Variants in PTPN9 observed in about 807,000 individuals in gnomAD.
PTPN9 encodes protein tyrosine phosphatase non-receptor type 9, also known as tyrosine-protein phosphatase non-receptor type 9.
Under a neutral mutation model 69.8 loss-of-function variants are expected in PTPN9, and 26 were observed. The observed-to-expected ratio is 0.37, with a 90% CI of 0.27 to 0.52. The LOEUF (loss-of-function observed/expected upper bound fraction) is 0.52, where lower values mean the gene tolerates loss of function less well. PTPN9 is among the 20% of genes least tolerant of loss of function. The probability of loss-of-function intolerance (pLI) is 0.91; values close to 1 mark genes in which losing one functional copy is unlikely to be tolerated. For synonymous variants in PTPN9, 274 were observed against 272.5 expected, an observed-to-expected ratio of 1.01 and a Z score of -0.05; for missense variants, 549 against 740.3, an observed-to-expected ratio of 0.74 and a Z score of 3.00.
At chr15:75,500,349 A>C (rs965689803) in intron 7 of PTPN9, among the ~76,000 whole-genome samples, 1 of 145,864 alleles carries the variant, frequency 6.9e-6, no homozygotes, top group Non-Finnish European at 1.5e-5. Context: ...ATACATACAC[A>C]CACACACACA....
Position 75,516,326 on chromosome 15 carries a change from C to T in PTPN9, c.528+933G>A, listed in dbSNP as rs185252304. Among the ~76,000 whole-genome samples, 371 of 135,804 alleles carry T rather than the reference C, an allele frequency of 2.7e-3. 2 individuals are homozygous for T. Among genetic ancestry groups the T allele is most frequent in the African/African-American group, 9.6e-3 (349 of 36,530 alleles). 89.1% of individuals were successfully genotyped at this position (135,804 alleles called of 152,430 possible). On this transcript the variant is annotated intron_variant, in intron 5 of 12. Coordinates refer to ENST00000618819, the MANE Select transcript of PTPN9 (RefSeq NM_002833.4). ...TTCTTTTTTTTTTTTTTTTTTGAGA[C>T]GAAGTCTCACTGTGTCGCCCAGGCT... is the stretch of plus-strand genomic sequence containing the variant.
intron 9 of PTPN9, among the ~76,000 whole-genome samples, chr15:75,475,405 C>A (rs563641142): frequency 3.9e-5 from 6 of 152,066 alleles, no homozygotes; most frequent in Admixed American, 6.6e-5. Context: ...ATGGTAAAAC[C>A]CCGTCTCTAC....
Position 75,563,456 on chromosome 15 carries a change from G to A in PTPN9, c.63+15258C>T, listed in dbSNP as rs561611272. Among the ~76,000 whole-genome samples the A allele has an allele frequency of 1.6e-4, 24 of 152,318 alleles. No individual in the cohort carries two copies. The South Asian group carries it at 3.5e-3, about 22-fold the overall frequency. ...ATCTGCCTCAGCCTCCCAAAGTGCT[G>A]GGATTACAGGCGTGAGCCCACACCC... On this transcript the variant is annotated intron_variant, in intron 1 of 12. Transcript: ENST00000618819.
At chr15:75,569,541 C>T (rs979870337) in intron 1 of PTPN9, among the ~76,000 whole-genome samples, 1 of 151,710 alleles carries the variant, frequency 6.6e-6, no homozygotes, top group Non-Finnish European at 1.5e-5. Context: ...CCCATCTCTA[C>T]AAAAAATACA....
rs374968097 is a variant in PTPN9 at position 75,556,104 on chromosome 15, G to A, written c.63+22610C>T. Among the ~76,000 whole-genome samples the A allele has an allele frequency of 2.9e-3, 404 of 138,420 alleles. 1 individual carries two copies. The highest frequency in any genetic ancestry group is 0.01 in the African/African-American group (373 of 37,190). 90.8% of individuals were successfully genotyped at this position (138,420 alleles called of 152,430 possible). On this transcript the variant is annotated intron_variant, in intron 1 of 12. Transcript: ENST00000618819. The stretch of plus-strand genomic sequence containing the variant: ...AGATCAACAATTTTTTTTTTCTGTC[G>A]CCCAGGCTGGAGTGCAGTGGCACAA...
At chr15:75,484,394 A>AGAC (rs2074661398) in intron 8 of PTPN9, among the ~76,000 whole-genome samples, 1 of 152,222 alleles carries the variant, frequency 6.6e-6, no homozygotes, top group Admixed American at 6.5e-5. Context: ...GACCATCAAC[A>AGAC]GACGAGCCAA....
rs1333473539 is a variant in PTPN9, at chr15:75,468,043, A to G, written c.*726T>C. ...TTCCACCACTCTGTAGCCTGACAAG[A>G]GGAGACATGATCACCAACCCAAGCT... On this transcript the variant is annotated 3_prime_UTR_variant, in exon 13 of 13. Coordinates refer to ENST00000618819, the MANE Select transcript of PTPN9 (RefSeq NM_002833.4). 1 of 152,618 alleles carries G rather than the reference A, an allele frequency of 6.6e-6. No individual in the cohort carries two copies. The highest frequency in any genetic ancestry group is 2.4e-5 in the African/African-American group (1 of 41,438). 9.5% of individuals were successfully genotyped at this position (152,618 alleles called of 1,614,324 possible).
At chr15:75,505,430 C>G (rs1260641301) in intron 7 of PTPN9, among the ~76,000 whole-genome samples, 1 of 142,324 alleles carries the variant, frequency 7.0e-6, no homozygotes, top group Non-Finnish European at 1.5e-5. Context: ...TCCCCCTCTG[C>G]GAGAAACACC....
At chr15:75,480,525 G>C (rs1042400803) in intron 8 of PTPN9, 4 of 318,084 alleles carry the variant, frequency 1.3e-5, no homozygotes, top group Non-Finnish European at 2.2e-5. Context: ...GGCGCCGCGG[G>C]CTGGGGTCGG....
Position 75,578,707 on chromosome 15 carries a change from CGCTTACCT to C in PTPN9, c.62_63+6del. The C allele has an allele frequency of 7.3e-7, 1 of 1,370,542 alleles. No homozygotes were observed. The highest frequency in any genetic ancestry group is 9.4e-7 in the Non-Finnish European group (1 of 1,058,766). The allele number at this position is 1,370,542 out of a possible 1,614,324, so 84.9% of individuals were successfully genotyped here. On this transcript the variant is annotated splice_donor_variant and splice_donor_5th_base_variant and coding_sequence_variant and intron_variant, in exon 1 of 13. Coordinates refer to ENST00000618819, the MANE Select transcript of PTPN9 (RefSeq NM_002833.4). LOFTEE classifies it high-confidence loss of function. ...ACACCCAACGCGGCGGCCTCGGGCC[CGCTTACCT>C]GCTCCTCCTCCGGGGTCAGCTCCGG...
rs575377505 is a variant in PTPN9 at position 75,480,686 on chromosome 15, G to A, written c.1063-772C>T. The stretch of plus-strand genomic sequence containing the variant: ...ATGAAGCGGAGCCGCTGCCGCGACC[G>A]ACCGCAGCCACCGCCGCCCCACAGC... On this transcript the variant is annotated intron_variant, in intron 8 of 12. Coordinates refer to ENST00000618819, the MANE Select transcript of PTPN9 (RefSeq NM_002833.4). 115 of 1,281,944 alleles carry A rather than the reference G, an allele frequency of 9.0e-5. 1 individual carries two copies. In the South Asian group the frequency reaches 1.4e-3, roughly 16 times the overall value. 79.4% of individuals were successfully genotyped at this position (1,281,944 alleles called of 1,614,324 possible).
intron 12 of PTPN9, 74 bp from the exon 13 acceptor site, chr15:75,469,057 G>C (rs1252331295): frequency 1.3e-5 from 18 of 1,334,922 alleles, no homozygotes; most frequent in Non-Finnish European, 1.7e-5. Flanking sequence ...AACCCAGGCA[G>C]AACTGAATGA....
chr15:75,522,320 T>C (rs1201105942), intron 4 of PTPN9, among the ~76,000 whole-genome samples: 1 of 152,220 alleles, frequency 6.6e-6, no homozygotes, highest in Non-Finnish European at 1.5e-5. Context: ...GGATGGTTTT[T>C]GCTTAACTTT....
chr15:75,524,534 T>C (rs2074918876), intron 2 of PTPN9, among the ~76,000 whole-genome samples: 2 of 152,254 alleles, frequency 1.3e-5, no homozygotes, highest in Admixed American at 1.3e-4. Context: ...TCCCACCACT[T>C]TGAGAGGCCA....
chr15:75,496,545 G>A (rs1189349037), intron 7 of PTPN9, among the ~76,000 whole-genome samples: 1 of 145,836 alleles, frequency 6.9e-6, no homozygotes, highest in East Asian at 2.0e-4. Flanking sequence ...ATTCCAAGCT[G>A]GAGTCCAGTG....
intron 6 of PTPN9, among the ~76,000 whole-genome samples, chr15:75,507,342 A>T (rs2074824560): frequency 6.7e-6 from 1 of 149,502 alleles, no homozygotes; most frequent in Non-Finnish European, 1.5e-5. Flanking sequence ...GCTACTTGGG[A>T]GGCTGAGGCA....
intron 5 of PTPN9, 105 bp downstream of exon 5, chr15:75,517,151 CATA>C: frequency 1.3e-6 from 1 of 741,148 alleles, no homozygotes; most frequent in South Asian, 2.1e-5. Context: ...TTACATTGAA[CATA>C]ATGTCTGAAG....
intron 9 of PTPN9, among the ~76,000 whole-genome samples, chr15:75,474,403 C>G (rs1387837335): frequency 6.6e-6 from 1 of 151,992 alleles, no homozygotes; most frequent in Non-Finnish European, 1.5e-5. Context: ...CCTGTAGTCT[C>G]AGGTACTTGG....
intron 1 of PTPN9, among the ~76,000 whole-genome samples, chr15:75,572,902 A>T (rs557402900): frequency 1.3e-5 from 2 of 152,298 alleles, no homozygotes; most frequent in East Asian, 3.9e-4. Context: ...TGCACAGAGT[A>T]TACAGTATGT....
Sources: gnomAD v4.1 joint callset for allele counts (sites outside exome capture counted in the v4.1 genomes callset) on GRCh38, gnomAD v4.1.1 for gene constraint, MANE v1.5 for transcripts, NCBI Gene and HGNC (gene_info 2026-07-23, HGNC 2026-07-21) for gene names.